REDIC1: variants seen among roughly 807,000 people sequenced by gnomAD.
The protein encoded by REDIC1 is HEI10 Interacting Protein 1.
At chr12:39,812,401 TCTTCCTTC>T in the REDIC1 span, among the ~76,000 whole-genome samples, 5 of 143,260 alleles carry the variant, frequency 3.5e-5, no homozygotes, top group East Asian at 7.9e-4. Flanking sequence ...TCTCTCTCTT[TCTTCCTTC>T]CTTCCTTCCT....
At chr12:39,664,846 AT>A in the REDIC1 span, among the ~76,000 whole-genome samples, 1 of 151,960 alleles carries the variant, frequency 6.6e-6, no homozygotes, top group African/African-American at 2.4e-5. Flanking sequence ...GCATTTTTTC[AT>A]GTGTCTGTTG....
chr12:39,801,932 G>A, the REDIC1 span, among the ~76,000 whole-genome samples: 1 of 152,162 alleles, frequency 6.6e-6, no homozygotes, highest in Non-Finnish European at 1.5e-5. Context: ...TGCTGCAGCA[G>A]CAAACAACAC....
the REDIC1 span, among the ~76,000 whole-genome samples, chr12:39,824,275 G>A: frequency 6.6e-6 from 1 of 152,178 alleles, no homozygotes; most frequent in Admixed American, 6.5e-5. Context: ...TTCTTCCAAT[G>A]TGGTCTGATT....
chr12:39,704,814 T>G, the REDIC1 span, among the ~76,000 whole-genome samples: 1 of 151,776 alleles, frequency 6.6e-6, no homozygotes, highest in African/African-American at 2.4e-5. Flanking sequence ...CAGTAAACTA[T>G]CCCAAGAACA....
At chr12:39,869,733 T>C in the REDIC1 span, among the ~76,000 whole-genome samples, 2 of 152,156 alleles carry the variant, frequency 1.3e-5, no homozygotes, top group African/African-American at 4.8e-5. Context: ...GAGGGAAACA[T>C]GACATAGGCC....
chr12:39,714,074 TGTATATACAC>T, the REDIC1 span, among the ~76,000 whole-genome samples: 1 of 148,418 alleles, frequency 6.7e-6, no homozygotes. Flanking sequence ...TGTATATACG[TGTATATACAC>T]ATATATGTAC....
chr12:39,860,794 T>C, the REDIC1 span, among the ~76,000 whole-genome samples: 6 of 152,294 alleles, frequency 3.9e-5, no homozygotes, highest in African/African-American at 1.4e-4. Flanking sequence ...GTCACCACCA[T>C]AATCCAGGCA....
At chr12:39,823,744 T>C in the REDIC1 span, among the ~76,000 whole-genome samples, 1 of 152,200 alleles carries the variant, frequency 6.6e-6, no homozygotes, top group African/African-American at 2.4e-5. Flanking sequence ...CCACCTCACC[T>C]GGCTTCTTCC....
At chr12:39,803,174 T>C in the REDIC1 span, among the ~76,000 whole-genome samples, 1 of 141,970 alleles carries the variant, frequency 7.0e-6, no homozygotes, top group African/African-American at 2.7e-5. Context: ...TGGTTGGTGA[T>C]AGCCCTGTGG....
chr12:39,741,233 G>C, the REDIC1 span, among the ~76,000 whole-genome samples: 1 of 152,114 alleles, frequency 6.6e-6, no homozygotes, highest in African/African-American at 2.4e-5. Flanking sequence ...CCTTCAGAAT[G>C]TTCATTAAAT....
the REDIC1 span, among the ~76,000 whole-genome samples, chr12:39,742,306 T>C: frequency 6.6e-6 from 1 of 152,154 alleles, no homozygotes; most frequent in Non-Finnish European, 1.5e-5. Context: ...TTAAATATCC[T>C]TTTTTTCAAG....
chr12:39,812,367 C>CTTTTCTTTTCTTTTCTTTTCTTTTCTT, the REDIC1 span, among the ~76,000 whole-genome samples: 1 of 142,536 alleles, frequency 7.0e-6, no homozygotes, highest in African/African-American at 2.7e-5. Context: ...CTTTTCTTTT[C>CTTTTCTTTTCTTTTCTTTTCTTTTCTT]TTTTCTTTTC....
the REDIC1 span, among the ~76,000 whole-genome samples, chr12:39,699,964 G>C: frequency 6.6e-6 from 1 of 152,020 alleles, no homozygotes; most frequent in Non-Finnish European, 1.5e-5. Context: ...AAGACCAAAA[G>C]TAGATAAAAC....
the REDIC1 span, among the ~76,000 whole-genome samples, chr12:39,725,969 G>A: frequency 6.6e-6 from 1 of 151,964 alleles, no homozygotes; most frequent in African/African-American, 2.4e-5. Flanking sequence ...GGACACAACT[G>A]CACATCAGCC....
At chr12:39,857,915 T>A in the REDIC1 span, among the ~76,000 whole-genome samples, 2 of 152,222 alleles carry the variant, frequency 1.3e-5, no homozygotes, top group African/African-American at 4.8e-5. Flanking sequence ...TGAGTCCTCC[T>A]TCTTGTCTTT....
At chr12:39,664,904 C>T in the REDIC1 span, among the ~76,000 whole-genome samples, 1 of 152,136 alleles carries the variant, frequency 6.6e-6, no homozygotes, top group African/African-American at 2.4e-5. Context: ...ATATCCTTTG[C>T]CCCCTTTTTG....
At chr12:39,800,059 T>C in the REDIC1 span, among the ~76,000 whole-genome samples, 2 of 152,236 alleles carry the variant, frequency 1.3e-5, no homozygotes, top group Non-Finnish European at 2.9e-5. Context: ...ATATATGTAA[T>C]GTTTATTGTG....
the REDIC1 span, among the ~76,000 whole-genome samples, chr12:39,804,640 T>G: frequency 6.6e-6 from 1 of 152,138 alleles, no homozygotes; most frequent in East Asian, 1.9e-4. Flanking sequence ...GCTAAGTGAC[T>G]TCTAGGCTCC....
chr12:39,758,088 T>A, the REDIC1 span: 3 of 151,572 alleles, frequency 2.0e-5, no homozygotes, highest in Admixed American at 1.3e-4. Context: ...TTAAATCATA[T>A]CTGCTTTTCT....
Sources: gnomAD v4.1 joint callset for allele counts (sites outside exome capture counted in the v4.1 genomes callset) on GRCh38, gnomAD v4.1.1 for gene constraint, MANE v1.5 for transcripts, NCBI Gene and HGNC (gene_info 2026-07-23, HGNC 2026-07-21) for gene names.